Variants in TECRL observed in about 807,000 individuals in gnomAD.
TECRL encodes trans-2,3-enoyl-CoA reductase-like.
In TECRL, 63 loss-of-function variants were observed where a neutral mutation model predicts 52.8. The observed-to-expected ratio is 1.19, with a 90% CI of 0.97 to 1.47. The LOEUF (loss-of-function observed/expected upper bound fraction) is 1.47, where lower values mean the gene tolerates loss of function less well. TECRL is among the 40% of genes most tolerant of loss of function. TECRL has a pLI of 0.00. For synonymous variants in TECRL, 164 were observed against 141.9 expected (o/e 1.16, Z -1.10); for missense variants, 482 against 429.6 (o/e 1.12, Z -1.08).
intron 2 of TECRL, among the ~76,000 whole-genome samples, chr4:64,374,052 C>CATATATATATAGTAGATACATATAT (rs1722179103): frequency 9.4e-6 from 1 of 106,014 alleles, no homozygotes; most frequent in African/African-American, 4.2e-5. Flanking sequence ...ATAGTAGATA[C>CATATATATATAGTAGATACATATAT]ATATATATAT....
intron 1 of TECRL, among the ~76,000 whole-genome samples, chr4:64,401,389 G>T (rs940264297): frequency 1.3e-5 from 2 of 151,754 alleles, no homozygotes; most frequent in Admixed American, 1.3e-4. Context: ...TTTCTTCCTG[G>T]GTTGCTCTTT....
At chr4:64,382,485 CT>C (rs981266728) in intron 1 of TECRL, among the ~76,000 whole-genome samples, 32 of 150,826 alleles carry the variant, frequency 2.1e-4, no homozygotes, top group African/African-American at 7.3e-4. Flanking sequence ...TTCTTTGTCT[CT>C]TTTTAAGTTT....
intron 1 of TECRL, among the ~76,000 whole-genome samples, chr4:64,382,847 C>T (rs1722914262): frequency 6.6e-6 from 1 of 151,500 alleles, no homozygotes. Flanking sequence ...CATTTGAGTC[C>T]CTCCCTTTCT....
At chr4:64,333,650 G>A (rs1347747544) in intron 2 of TECRL, among the ~76,000 whole-genome samples, 5 of 152,114 alleles carry the variant, frequency 3.3e-5, no homozygotes. Flanking sequence ...AATTTAGGAA[G>A]AATGCACAAA....
At position 64,328,502 on chromosome 4, in the gene TECRL, T is replaced by C. The variant is rs771650312; in HGVS notation, c.331+10A>G. Reference sequence around the variant, plus strand: ...ATTAAATAAACACATCAGTGAAAAATGCTTCTTACCACATTCTAGCTGCAG... The same window carrying C: ...ATTAAATAAACACATCAGTGAAAAACGCTTCTTACCACATTCTAGCTGCAG... On this transcript the variant is annotated intron_variant, in intron 3 of 11. Coordinates refer to ENST00000381210, the MANE Select transcript of TECRL (RefSeq NM_001010874.5). 3 of 1,609,518 alleles carry C rather than the reference T, an allele frequency of 1.9e-6. No homozygotes were observed. Among genetic ancestry groups the C allele is most frequent in the Non-Finnish European group, 2.5e-6 (3 of 1,176,956 alleles).
chr4:64,331,963 C>A (rs1029254746), intron 2 of TECRL, among the ~76,000 whole-genome samples: 10 of 152,170 alleles, frequency 6.6e-5, no homozygotes, highest in African/African-American at 2.4e-4. Flanking sequence ...TATTCCATCT[C>A]ATCCATCCCT....
chr4:64,358,642 T>C (rs1720954834), intron 2 of TECRL, among the ~76,000 whole-genome samples: 1 of 151,756 alleles, frequency 6.6e-6, no homozygotes. Context: ...TATCTTATTA[T>C]ATTGAAAACT....
intron 2 of TECRL, among the ~76,000 whole-genome samples, chr4:64,345,107 T>C (rs1263506115): frequency 2.0e-5 from 3 of 152,158 alleles, no homozygotes; most frequent in Admixed American, 2.0e-4. Flanking sequence ...ACACTGTTGG[T>C]GGGACTGTAA....
intron 8 of TECRL, 51 bp from the exon 9 acceptor site, chr4:64,289,818 T>TA (rs749631744): frequency 1.8e-5 from 21 of 1,158,376 alleles, no homozygotes; most frequent in South Asian, 8.8e-5. Context: ...GCCTATTTTT[T>TA]AAAAAAACAT....
intron 1 of TECRL, among the ~76,000 whole-genome samples, chr4:64,385,114 G>T (rs1723083748): frequency 6.6e-6 from 1 of 152,096 alleles, no homozygotes; most frequent in South Asian, 2.1e-4. Context: ...CAATCCTCCA[G>T]TTCCTGCACA....
intron 8 of TECRL, among the ~76,000 whole-genome samples, chr4:64,291,536 A>C (rs1439754417): frequency 6.6e-6 from 1 of 151,996 alleles, no homozygotes; most frequent in Non-Finnish European, 1.5e-5. Context: ...GTGAAAAAAT[A>C]AGTTTTAGAA....
At chr4:64,313,790 T>C (rs1355077825) in intron 5 of TECRL, among the ~76,000 whole-genome samples, 1 of 150,802 alleles carries the variant, frequency 6.6e-6, no homozygotes, top group Non-Finnish European at 1.5e-5. Flanking sequence ...GCCTTACTCT[T>C]TTTTTGTCAT....
intron 1 of TECRL, among the ~76,000 whole-genome samples, chr4:64,392,914 C>G (rs138113398): frequency 6.6e-6 from 1 of 151,946 alleles, no homozygotes; most frequent in African/African-American, 2.4e-5. Flanking sequence ...TAAGCCATCT[C>G]TACATCATGT....
rs1724958647 is a variant in TECRL at position 64,409,383 on chromosome 4, A to G, written c.-32T>C. Reference sequence around the variant, plus strand: ...AACTAAGAGGAGGGTCTGTCATGTCAAAAGTAGAAAATTGCAAGTGTGTTC... The same window carrying G: ...AACTAAGAGGAGGGTCTGTCATGTCGAAAGTAGAAAATTGCAAGTGTGTTC... On this transcript the variant is annotated 5_prime_UTR_variant, in exon 1 of 12. Coordinates refer to ENST00000381210, the MANE Select transcript of TECRL (RefSeq NM_001010874.5). 6.2e-7 allele frequency: 1 copy of G among 1,600,122 alleles called. No individual in the cohort carries two copies. Among genetic ancestry groups the G allele is most frequent in the Non-Finnish European group, 8.5e-7 (1 of 1,172,016 alleles).
At chr4:64,366,276 A>C (rs1721592943) in intron 2 of TECRL, among the ~76,000 whole-genome samples, 1 of 152,132 alleles carries the variant, frequency 6.6e-6, no homozygotes, top group South Asian at 2.1e-4. Flanking sequence ...GATGGATTAA[A>C]GACTGAAATG....
At chr4:64,403,513 T>G (rs1724504411) in intron 1 of TECRL, among the ~76,000 whole-genome samples, 1 of 131,006 alleles carries the variant, frequency 7.6e-6, no homozygotes, top group South Asian at 2.5e-4. Context: ...ATAGACTTAG[T>G]AAATTATTTT....
chr4:64,282,347 A>G (rs1337303671), intron 9 of TECRL, among the ~76,000 whole-genome samples: 1 of 152,030 alleles, frequency 6.6e-6, no homozygotes, highest in Non-Finnish European at 1.5e-5. Flanking sequence ...TCAGATAACA[A>G]ATCAGCTAAA....
chr4:64,304,987 A>C, intron 7 of TECRL, 179 bp downstream of exon 7: 2 of 417,044 alleles, frequency 4.8e-6, no homozygotes, highest in Non-Finnish European at 8.6e-6. Context: ...AAAATAAATA[A>C]AAATATATGA....
chr4:64,395,863 C>T (rs1054848093), intron 1 of TECRL, among the ~76,000 whole-genome samples: 1 of 152,048 alleles, frequency 6.6e-6, no homozygotes, highest in African/African-American at 2.4e-5. Flanking sequence ...GTCTATTGTT[C>T]CCTTTTATGT....
Sources: gnomAD v4.1 joint callset for allele counts (sites outside exome capture counted in the v4.1 genomes callset) on GRCh38, gnomAD v4.1.1 for gene constraint, MANE v1.5 for transcripts, NCBI Gene and HGNC (gene_info 2026-07-23, HGNC 2026-07-21) for gene names.